CDH13: variants seen among roughly 807,000 people sequenced by gnomAD.
CDH13 encodes cadherin-13.
A neutral mutation model predicts 63.8 loss-of-function variants in CDH13; 24 were observed. The observed-to-expected ratio is 0.38, with a 90% confidence interval of 0.27 to 0.53. The LOEUF is 0.53. Among genes scored for constraint, CDH13 ranks in the 20% least tolerant of loss-of-function variants. The pLI is 0.85. For missense variants in CDH13, 1,049 were observed against 903.1 expected (o/e 1.16, Z -2.07); for synonymous variants, 503 against 355.3 (o/e 1.42, Z -4.67).
At chr16:83,016,074 C>T (rs1404840468) in intron 2 of CDH13, among the ~76,000 whole-genome samples, 2 of 152,108 alleles carry the variant, frequency 1.3e-5, no homozygotes, top group Non-Finnish European at 2.9e-5. Context: ...TGGCAGGCAT[C>T]CTTCATTCCC....
chr16:83,576,345 C>G (rs1352836891), intron 7 of CDH13, among the ~76,000 whole-genome samples: 1 of 152,186 alleles, frequency 6.6e-6, no homozygotes, highest in Non-Finnish European at 1.5e-5. Flanking sequence ...AGTATTTCAT[C>G]CCTTTTTATG....
chr16:83,514,682 A>C (rs931237292), intron 7 of CDH13, among the ~76,000 whole-genome samples: 8 of 152,142 alleles, frequency 5.3e-5, no homozygotes, highest in Admixed American at 4.6e-4. Context: ...AGACAGAGAC[A>C]CACAGAAGAT....
At chr16:83,376,174 C>A (rs2091456272) in intron 6 of CDH13, among the ~76,000 whole-genome samples, 1 of 152,272 alleles carries the variant, frequency 6.6e-6, no homozygotes, top group African/African-American at 2.4e-5. Context: ...AATGAAGCTG[C>A]CCCTCGCCCT....
intron 2 of CDH13, among the ~76,000 whole-genome samples, chr16:83,024,559 C>T (rs1327773237): frequency 6.6e-6 from 1 of 152,124 alleles, no homozygotes; most frequent in African/African-American, 2.4e-5. Flanking sequence ...ATAATGACTT[C>T]GTGGCCTCGG....
At chr16:83,363,044 A>T (rs1487254691) in intron 6 of CDH13, among the ~76,000 whole-genome samples, 2 of 152,224 alleles carry the variant, frequency 1.3e-5, no homozygotes, top group Non-Finnish European at 2.9e-5. Flanking sequence ...ACTACATTTT[A>T]AAAAGGGCAA....
At chr16:83,565,889 C>G (rs987884217) in intron 7 of CDH13, among the ~76,000 whole-genome samples, 1 of 151,908 alleles carries the variant, frequency 6.6e-6, no homozygotes, top group East Asian at 1.9e-4. Context: ...TGGCTTATGA[C>G]TTTTCTTTTG....
chr16:83,395,886 AT>A (rs1420713278), intron 6 of CDH13, among the ~76,000 whole-genome samples: 2 of 152,054 alleles, frequency 1.3e-5, no homozygotes, highest in Non-Finnish European at 2.9e-5. Context: ...TGTTGTAGAG[AT>A]TATCTCATCA....
At chr16:83,127,719 T>G (rs2035873779) in intron 4 of CDH13, among the ~76,000 whole-genome samples, 1 of 152,176 alleles carries the variant, frequency 6.6e-6, no homozygotes, top group African/African-American at 2.4e-5. Flanking sequence ...AGGGTGAGAC[T>G]CTGTGTCAAA....
intron 7 of CDH13, among the ~76,000 whole-genome samples, chr16:83,505,911 T>C (rs943354397): frequency 6.6e-6 from 1 of 152,208 alleles, no homozygotes; most frequent in Non-Finnish European, 1.5e-5. Context: ...CGCATCAGCA[T>C]GTTCCTTCCT....
At chr16:82,710,425 G>A (rs866401212) in intron 1 of CDH13, among the ~76,000 whole-genome samples, 24 of 144,674 alleles carry the variant, frequency 1.7e-4, no homozygotes, top group Non-Finnish European at 2.7e-4. Flanking sequence ...CCACCTACTC[G>A]GGAGGCTGAG....
intron 1 of CDH13, among the ~76,000 whole-genome samples, chr16:82,635,558 G>A (rs763147464): frequency 1.3e-5 from 2 of 152,186 alleles, no homozygotes; most frequent in East Asian, 1.9e-4. Context: ...CTGAGGGAAA[G>A]GTACAGAGTG....
chr16:83,489,431 A>T (rs1184634393), intron 7 of CDH13, among the ~76,000 whole-genome samples: 3 of 152,216 alleles, frequency 2.0e-5, no homozygotes, highest in South Asian at 2.1e-4. Context: ...TCCAGAGTTC[A>T]TTGCTGATCC....
rs187093306 is a variant in CDH13 at position 83,351,670 on chromosome 16, A to G, written c.781+6664A>G. Reference sequence around the variant, plus strand: ...TTTTCACTTTTCTACACTTCCATCAATTCTGCAGAAGAGAGCTCATCTCTT... The same window carrying G: ...TTTTCACTTTTCTACACTTCCATCAGTTCTGCAGAAGAGAGCTCATCTCTT... On this transcript the variant is annotated intron_variant, in intron 6 of 13. Coordinates refer to ENST00000567109, the MANE Select transcript of CDH13 (RefSeq NM_001257.5). Among the ~76,000 whole-genome samples, 6 of 152,324 alleles carry G rather than the reference A, an allele frequency of 3.9e-5. No homozygotes were observed. The South Asian group carries it at 6.2e-4, about 16-fold the overall frequency.
At chr16:82,951,967 C>G (rs79348551) in intron 2 of CDH13, among the ~76,000 whole-genome samples, 1 of 152,206 alleles carries the variant, frequency 6.6e-6, no homozygotes, top group Non-Finnish European at 1.5e-5. Context: ...AAGACTCCCT[C>G]CCAACAGGGT....
intron 1 of CDH13, among the ~76,000 whole-genome samples, chr16:82,800,592 T>C (rs933241095): frequency 6.6e-6 from 1 of 152,226 alleles, no homozygotes; most frequent in African/African-American, 2.4e-5. Context: ...TAAGAACCAT[T>C]AATTTTCAGG....
chr16:83,090,425 T>A (rs964122405), intron 3 of CDH13, among the ~76,000 whole-genome samples: 1 of 151,820 alleles, frequency 6.6e-6, no homozygotes, highest in Non-Finnish European at 1.5e-5. Context: ...AATACAAAAA[T>A]GAGTTGGGCA....
At chr16:83,536,895 T>G (rs1400191796) in intron 7 of CDH13, among the ~76,000 whole-genome samples, 2 of 152,154 alleles carry the variant, frequency 1.3e-5, no homozygotes, top group African/African-American at 4.8e-5. Flanking sequence ...CAGCATTTCT[T>G]GACTGGTGCA....
At chr16:83,353,774 A>G (rs904602625) in intron 6 of CDH13, among the ~76,000 whole-genome samples, 3 of 152,156 alleles carry the variant, frequency 2.0e-5, no homozygotes, top group African/African-American at 7.2e-5. Flanking sequence ...CATATCATTC[A>G]CATTAGACCT....
At chr16:82,718,883 T>A (rs2032572926) in intron 1 of CDH13, among the ~76,000 whole-genome samples, 1 of 152,176 alleles carries the variant, frequency 6.6e-6, no homozygotes, top group Non-Finnish European at 1.5e-5. Context: ...AGCTAAATCA[T>A]ATCAAGTGTC....
Sources: gnomAD v4.1 joint callset for allele counts (sites outside exome capture counted in the v4.1 genomes callset) on GRCh38, gnomAD v4.1.1 for gene constraint, MANE v1.5 for transcripts, NCBI Gene and HGNC (gene_info 2026-07-23, HGNC 2026-07-21) for gene names.